Variants in PRKG1 observed in about 807,000 individuals in gnomAD.
The protein encoded by PRKG1 is cGMP-dependent protein kinase 1.
In PRKG1, 35 loss-of-function variants were observed where a neutral mutation model predicts 88.1. That is an observed-to-expected ratio of 0.40 (90% CI 0.30 to 0.53). The LOEUF (loss-of-function observed/expected upper bound fraction) is 0.53, where lower values mean the gene tolerates loss of function less well. Ranked by LOEUF, PRKG1 falls within the 20% of genes least tolerant of loss-of-function variation. PRKG1 has a pLI of 0.59. For synonymous variants in PRKG1, 303 were observed against 292.5 expected, an observed-to-expected ratio of 1.04 and a Z score of -0.37; for missense variants, 540 against 839.8, an observed-to-expected ratio of 0.64 and a Z score of 4.41.
At chr10:52,292,116 T>G (rs1334383706) in intron 17 of PRKG1, among the ~76,000 whole-genome samples, 2 of 152,138 alleles carry the variant, frequency 1.3e-5, no homozygotes, top group Admixed American at 6.5e-5. Flanking sequence ...TTGTTTGTTT[T>G]TTTTCTTGTA....
intron 5 of PRKG1, among the ~76,000 whole-genome samples, chr10:52,026,580 T>C (rs1021496820): frequency 6.6e-6 from 1 of 152,172 alleles, no homozygotes; most frequent in African/African-American, 2.4e-5. Flanking sequence ...TGATTACTAA[T>C]TGGTATGGAG....
chr10:51,052,938 A>T (rs1843582240), intron 1 of PRKG1, among the ~76,000 whole-genome samples: 1 of 152,328 alleles, frequency 6.6e-6, no homozygotes, highest in Non-Finnish European at 1.5e-5. Flanking sequence ...TGTAGATTTA[A>T]AAAAGTCATG....
chr10:51,088,694 A>G (rs1246869997), intron 1 of PRKG1, among the ~76,000 whole-genome samples: 2 of 152,126 alleles, frequency 1.3e-5, no homozygotes, highest in Non-Finnish European at 2.9e-5. Context: ...TTGGTTAACA[A>G]CTACTTCCCC....
At chr10:51,750,125 A>G (rs1395565156) in intron 3 of PRKG1, among the ~76,000 whole-genome samples, 2 of 151,910 alleles carry the variant, frequency 1.3e-5, no homozygotes. Context: ...TAGTAGAGAC[A>G]GGGTTTCATC....
chr10:51,806,453 A>G (rs1418622603), intron 4 of PRKG1, among the ~76,000 whole-genome samples: 1 of 152,236 alleles, frequency 6.6e-6, no homozygotes, highest in Non-Finnish European at 1.5e-5. Context: ...TGGCTCTCCA[A>G]AGTAAGTGAA....
At chr10:51,868,908 T>A (rs920108419) in intron 4 of PRKG1, among the ~76,000 whole-genome samples, 6 of 152,198 alleles carry the variant, frequency 3.9e-5, no homozygotes, top group Non-Finnish European at 7.3e-5. Context: ...GGGATTTTGT[T>A]GAATAAGTGA....
At chr10:51,612,391 A>G (rs555136457) in intron 3 of PRKG1, among the ~76,000 whole-genome samples, 10 of 151,988 alleles carry the variant, frequency 6.6e-5, no homozygotes, top group Non-Finnish European at 1.0e-4. Context: ...GTGTGTCACT[A>G]TTGTAAATGG....
intron 5 of PRKG1, among the ~76,000 whole-genome samples, chr10:52,051,251 G>A (rs892912881): frequency 2.6e-5 from 4 of 152,078 alleles, no homozygotes; most frequent in African/African-American, 9.7e-5. Flanking sequence ...TTCAATTTTT[G>A]GTGCTTTTTA....
At chr10:51,817,347 A>ACCCC (rs367740899) in intron 4 of PRKG1, among the ~76,000 whole-genome samples, 32 of 129,586 alleles carry the variant, frequency 2.5e-4, no homozygotes, top group Non-Finnish European at 3.9e-4. Context: ...TCCCTCCCCA[A>ACCCC]CCCCCCCCCT....
At chr10:51,714,270 T>G (rs940373075) in intron 3 of PRKG1, among the ~76,000 whole-genome samples, 1 of 152,102 alleles carries the variant, frequency 6.6e-6, no homozygotes, top group Non-Finnish European at 1.5e-5. Flanking sequence ...GAGCCACTGC[T>G]CCCGGCCTAT....
intron 2 of PRKG1, among the ~76,000 whole-genome samples, chr10:51,221,200 C>G (rs976990752): frequency 6.6e-6 from 1 of 151,798 alleles, no homozygotes; most frequent in African/African-American, 2.4e-5. Flanking sequence ...TTTAGAGTAA[C>G]TCCCTAGTTA....
intron 4 of PRKG1, among the ~76,000 whole-genome samples, chr10:51,806,316 C>G (rs1839306346): frequency 6.6e-6 from 1 of 152,152 alleles, no homozygotes; most frequent in Non-Finnish European, 1.5e-5. Flanking sequence ...CCAATGCTAT[C>G]TCAAATGACT....
intron 2 of PRKG1, among the ~76,000 whole-genome samples, chr10:51,195,913 G>A (rs992244145): frequency 6.6e-6 from 1 of 152,182 alleles, no homozygotes; most frequent in Non-Finnish European, 1.5e-5. Context: ...GAGATACAGT[G>A]TTTGTGGATG....
intron 4 of PRKG1, among the ~76,000 whole-genome samples, chr10:51,849,619 C>G (rs1260523035): frequency 6.6e-6 from 1 of 152,102 alleles, no homozygotes; most frequent in Non-Finnish European, 1.5e-5. Context: ...TTGTTTTGCA[C>G]TCTACCTCAA....
At chr10:51,468,956 C>T (rs1564511597) in intron 3 of PRKG1, among the ~76,000 whole-genome samples, 1 of 151,742 alleles carries the variant, frequency 6.6e-6, no homozygotes, top group Non-Finnish European at 1.5e-5. Flanking sequence ...CACTGTAACA[C>T]CAATTGCAAA....
rs571606926 is a variant in PRKG1, at chr10:51,911,424, A to T, written c.762+3854A>T. Among the ~76,000 whole-genome samples, 9 of 152,280 alleles carry T rather than the reference A, an allele frequency of 5.9e-5. No homozygotes were observed. The Middle Eastern group carries it at 0.024, about 406-fold the overall frequency. On this transcript the variant is annotated intron_variant, in intron 5 of 17. Coordinates refer to ENST00000373980, the MANE Select transcript of PRKG1 (RefSeq NM_006258.4). ...AGTATTTGCTATTTTGTGTAACAAAAGCCATAGCTCTATAAATAATTCTGA... is the reference window on the plus strand; with the variant it reads ...AGTATTTGCTATTTTGTGTAACAAATGCCATAGCTCTATAAATAATTCTGA...
intron 2 of PRKG1, among the ~76,000 whole-genome samples, chr10:51,380,675 A>T (rs1837060659): frequency 6.6e-6 from 1 of 152,170 alleles, no homozygotes; most frequent in Admixed American, 6.5e-5. Flanking sequence ...TTGTGGATGT[A>T]ACAAATGGCA....
At chr10:51,250,517 T>A (rs906174235) in intron 2 of PRKG1, among the ~76,000 whole-genome samples, 1 of 151,786 alleles carries the variant, frequency 6.6e-6, no homozygotes, top group Non-Finnish European at 1.5e-5. Context: ...TCAGCTGTTT[T>A]CTCTCTGAAT....
At chr10:51,466,142 G>A (rs1839899237) in intron 2 of PRKG1, among the ~76,000 whole-genome samples, 1 of 152,028 alleles carries the variant, frequency 6.6e-6, no homozygotes. Flanking sequence ...TCATTCTTGA[G>A]TGGTAGATGA....
Sources: gnomAD v4.1 joint callset for allele counts (sites outside exome capture counted in the v4.1 genomes callset) on GRCh38, gnomAD v4.1.1 for gene constraint, MANE v1.5 for transcripts, NCBI Gene and HGNC (gene_info 2026-07-23, HGNC 2026-07-21) for gene names.